Variants in C7orf78 observed in about 807,000 individuals in gnomAD.
The protein encoded by C7orf78 is putative uncharacterized protein C7orf78.
chr7:12,509,944 G>A, the C7orf78 span, among the ~76,000 whole-genome samples: 1 of 150,222 alleles, frequency 6.7e-6, no homozygotes, highest in Non-Finnish European at 1.5e-5. Context: ...TGAGGCATGA[G>A]AATCACTTGA....
chr7:12,520,683 G>T, the C7orf78 span, among the ~76,000 whole-genome samples: 1 of 152,174 alleles, frequency 6.6e-6, no homozygotes, highest in Non-Finnish European at 1.5e-5. Context: ...TTGCGAATGA[G>T]AAGAACATAC....
the C7orf78 span, among the ~76,000 whole-genome samples, chr7:12,493,018 C>T: frequency 6.6e-6 from 1 of 152,096 alleles, no homozygotes; most frequent in East Asian, 1.9e-4. Flanking sequence ...GCCTGGGTCA[C>T]ATGGCAAAAA....
At chr7:12,536,434 C>G in the C7orf78 span, among the ~76,000 whole-genome samples, 1 of 152,128 alleles carries the variant, frequency 6.6e-6, no homozygotes, top group African/African-American at 2.4e-5. Context: ...CACGGGGACC[C>G]TGGTCCTGGC....
chr7:12,511,234 G>A, the C7orf78 span, among the ~76,000 whole-genome samples: 1 of 152,078 alleles, frequency 6.6e-6, no homozygotes, highest in African/African-American at 2.4e-5. Context: ...TTCTGTACCT[G>A]TGGTATATGC....
chr7:12,504,489 A>G, the C7orf78 span: 1 of 152,182 alleles, frequency 6.6e-6, no homozygotes, highest in African/African-American at 2.4e-5. Flanking sequence ...GGCTTTACAG[A>G]AAAGATTTGC....
chr7:12,497,036 TAAAAG>T, the C7orf78 span, among the ~76,000 whole-genome samples: 16 of 152,180 alleles, frequency 1.1e-4, no homozygotes, highest in Admixed American at 7.2e-4. Context: ...AATGAACAGT[TAAAAG>T]AAAGACTCCA....
the C7orf78 span, among the ~76,000 whole-genome samples, chr7:12,514,284 C>T: frequency 1.3e-5 from 2 of 152,006 alleles, no homozygotes; most frequent in Non-Finnish European, 1.5e-5. Context: ...AACTAATTCC[C>T]CTTTACCATT....
the C7orf78 span, among the ~76,000 whole-genome samples, chr7:12,535,460 C>T: frequency 6.6e-6 from 1 of 152,158 alleles, no homozygotes; most frequent in African/African-American, 2.4e-5. Flanking sequence ...TCAATTAGCT[C>T]CCACTGGGTC....
the C7orf78 span, among the ~76,000 whole-genome samples, chr7:12,534,979 G>GAAGGAAGT: frequency 7.2e-6 from 1 of 138,770 alleles, no homozygotes; most frequent in East Asian, 2.0e-4. Context: ...AGGAAGGAGG[G>GAAGGAAGT]AAGGAAGGAA....
chr7:12,539,739 T>G, the C7orf78 span, among the ~76,000 whole-genome samples: 2 of 152,162 alleles, frequency 1.3e-5, no homozygotes, highest in Admixed American at 6.5e-5. Flanking sequence ...AGATGAGAGC[T>G]CAGGCTCAAA....
At chr7:12,527,673 GTCAC>G in the C7orf78 span, among the ~76,000 whole-genome samples, 1 of 138,392 alleles carries the variant, frequency 7.2e-6, no homozygotes, top group Admixed American at 7.2e-5. Flanking sequence ...TATGCTATGT[GTCAC>G]TCACTTTGGT....
chr7:12,499,775 A>C, the C7orf78 span, among the ~76,000 whole-genome samples: 14 of 151,044 alleles, frequency 9.3e-5, no homozygotes, highest in African/African-American at 3.4e-4. Context: ...AACAGAATAT[A>C]CATTTTCTTC....
the C7orf78 span, among the ~76,000 whole-genome samples, chr7:12,512,235 GT>G: frequency 6.6e-6 from 1 of 152,034 alleles, no homozygotes; most frequent in Admixed American, 6.6e-5. Context: ...TTGAATCATA[GT>G]GGTGAAAGTG....
the C7orf78 span, among the ~76,000 whole-genome samples, chr7:12,503,969 A>G: frequency 2.0e-5 from 3 of 152,194 alleles, no homozygotes; most frequent in African/African-American, 4.8e-5. Context: ...GGAAACAAAA[A>G]GAAAATTAAG....
the C7orf78 span, among the ~76,000 whole-genome samples, chr7:12,501,150 A>G: frequency 7.3e-6 from 1 of 136,454 alleles, no homozygotes; most frequent in African/African-American, 2.9e-5. Flanking sequence ...AACTGGAAGC[A>G]TTCCCTTTGA....
At chr7:12,492,581 A>AT in the C7orf78 span, among the ~76,000 whole-genome samples, 1 of 152,160 alleles carries the variant, frequency 6.6e-6, no homozygotes, top group Non-Finnish European at 1.5e-5. Context: ...CAAAGTCTCA[A>AT]TTTTTTTACA....
chr7:12,515,634 G>C, the C7orf78 span, among the ~76,000 whole-genome samples: 1 of 152,208 alleles, frequency 6.6e-6, no homozygotes, highest in East Asian at 1.9e-4. Flanking sequence ...AATTCCTAGA[G>C]ACTTGTTGAA....
chr7:12,497,283 C>T, the C7orf78 span, among the ~76,000 whole-genome samples: 1 of 152,136 alleles, frequency 6.6e-6, no homozygotes, highest in Non-Finnish European at 1.5e-5. Context: ...ACGCAGAAGA[C>T]GGGTGATTTC....
At chr7:12,508,210 A>T in the C7orf78 span, among the ~76,000 whole-genome samples, 1 of 152,228 alleles carries the variant, frequency 6.6e-6, no homozygotes, top group African/African-American at 2.4e-5. Context: ...TTCCCTGCAG[A>T]CAACAGGCTG....
Sources: gnomAD v4.1 joint callset for allele counts (sites outside exome capture counted in the v4.1 genomes callset) on GRCh38, gnomAD v4.1.1 for gene constraint, MANE v1.5 for transcripts, NCBI Gene and HGNC (gene_info 2026-07-23, HGNC 2026-07-21) for gene names.